SPATA17: variants seen among roughly 807,000 people sequenced by gnomAD.
SPATA17 encodes the protein spermatogenesis associated 17, also known as spermatogenesis-associated protein 17.
A neutral mutation model predicts 62.2 loss-of-function variants in SPATA17; 53 were observed. The ratio of observed to expected loss-of-function variants is 0.85; its 90% CI spans 0.68 to 1.07. SPATA17 has a LOEUF of 1.07. Ranked by LOEUF, SPATA17 falls within the 50% of genes least tolerant of loss-of-function variation. The pLI is 0.00. For synonymous variants in SPATA17, 146 were observed against 146.8 expected (o/e 0.99, Z 0.04); for missense variants, 466 against 425.5 (o/e 1.10, Z -0.84).
intron 6 of SPATA17, among the ~76,000 whole-genome samples, chr1:217,764,175 A>G (rs1673243896): frequency 6.6e-6 from 1 of 152,120 alleles, no homozygotes; most frequent in East Asian, 1.9e-4. Context: ...AATGACATAT[A>G]TCCACCATAA....
intron 8 of SPATA17, among the ~76,000 whole-genome samples, chr1:217,791,395 A>T (rs976428814): frequency 1.3e-5 from 2 of 152,218 alleles, no homozygotes; most frequent in African/African-American, 4.8e-5. Context: ...CACTGGGGAT[A>T]TAGATAATAA....
At chr1:217,738,779 C>G (rs756058439) in intron 5 of SPATA17, among the ~76,000 whole-genome samples, 9 of 152,184 alleles carry the variant, frequency 5.9e-5, no homozygotes, top group Non-Finnish European at 1.3e-4. Flanking sequence ...TGGCGAAACA[C>G]TATCTCTACT....
In SPATA17 at chr1:217,766,738, C is replaced by G. The variant is rs547196807; in HGVS notation, c.520-7596C>G. Among the ~76,000 whole-genome samples the G allele has an allele frequency of 7.8e-5, 7 of 89,406 alleles. No individual in the cohort carries two copies. The South Asian group carries it at 2.5e-3, about 33-fold the overall frequency. The allele number at this position is 89,406 out of a possible 152,430, so 58.7% of individuals were successfully genotyped here. A position where few individuals can be genotyped will look rare whatever the true frequency, so the allele number is the denominator to read the frequency against. On this transcript the variant is annotated intron_variant, in intron 6 of 10. Coordinates refer to ENST00000366933, the MANE Select transcript of SPATA17 (RefSeq NM_138796.4). ...TCGTTCTCTTTTTTTTTTTTTTTAT[C>G]TTGTCTTTTCTCAACTCTTACTTTA...
chr1:217,647,104 A>G (rs1670200026), intron 1 of SPATA17, among the ~76,000 whole-genome samples: 2 of 152,210 alleles, frequency 1.3e-5, no homozygotes, highest in South Asian at 4.1e-4. Context: ...GAGTTAATTC[A>G]CTGATATGTG....
intron 9 of SPATA17, among the ~76,000 whole-genome samples, chr1:217,847,817 T>A (rs1675562041): frequency 6.6e-6 from 1 of 152,034 alleles, no homozygotes; most frequent in African/African-American, 2.4e-5. Context: ...GGTGAGCAGA[T>A]CTCTTGGAGT....
intron 8 of SPATA17, among the ~76,000 whole-genome samples, chr1:217,784,113 AC>A (rs1346894599): frequency 2.0e-5 from 3 of 152,110 alleles, no homozygotes; most frequent in Non-Finnish European, 4.4e-5. Flanking sequence ...CTTCTTCTGA[AC>A]CATTTTGCTT....
intron 6 of SPATA17, among the ~76,000 whole-genome samples, chr1:217,742,344 G>A (rs764840766): frequency 6.6e-6 from 1 of 152,202 alleles, no homozygotes; most frequent in Non-Finnish European, 1.5e-5. Flanking sequence ...GATCTGCCAC[G>A]GTGATAACAC....
intron 6 of SPATA17, among the ~76,000 whole-genome samples, chr1:217,772,275 A>G (rs1673467554): frequency 6.6e-6 from 1 of 152,198 alleles, no homozygotes; most frequent in African/African-American, 2.4e-5. Context: ...GAACATGTTA[A>G]CATGACATTA....
Position 217,784,532 on chromosome 1 carries a change from G to A in SPATA17, c.872+2210G>A, listed in dbSNP as rs138564318. Among the ~76,000 whole-genome samples the A allele has an allele frequency of 3.3e-5, 5 of 152,128 alleles. No individual in the cohort carries two copies. The East Asian group carries it at 5.8e-4, about 18-fold the overall frequency. On this transcript the variant is annotated intron_variant, in intron 8 of 10. Coordinates refer to ENST00000366933, the MANE Select transcript of SPATA17 (RefSeq NM_138796.4). ...TCCATTAAACAGCAGTATAATCTTCGGTTAGTAATTTAGCCCACCTGAAAC... is the reference window on the plus strand; with the variant it reads ...TCCATTAAACAGCAGTATAATCTTCAGTTAGTAATTTAGCCCACCTGAAAC...
chr1:217,649,051 C>A, intron 2 of SPATA17, 80 bp downstream of exon 2: 1 of 945,146 alleles, frequency 1.1e-6, no homozygotes, highest in Non-Finnish European at 1.6e-6. Flanking sequence ...TCATGAAGTA[C>A]TCATTTCAAA....
chr1:217,642,629 T>G (rs1023015762), intron 1 of SPATA17, among the ~76,000 whole-genome samples: 1 of 152,150 alleles, frequency 6.6e-6, no homozygotes, highest in Non-Finnish European at 1.5e-5. Context: ...GGGGGCGGTT[T>G]CCTCCGTGCT....
At chr1:217,860,045 C>T (rs1675867443) in intron 9 of SPATA17, among the ~76,000 whole-genome samples, 1 of 152,022 alleles carries the variant, frequency 6.6e-6, no homozygotes, top group Admixed American at 6.6e-5. Flanking sequence ...TAGTGCTATC[C>T]ATTTTCCTCT....
chr1:217,691,187 T>C (rs1248136195), intron 5 of SPATA17, among the ~76,000 whole-genome samples: 2 of 149,334 alleles, frequency 1.3e-5, no homozygotes, highest in Non-Finnish European at 3.0e-5. Context: ...CCATTCTAAC[T>C]GGTGTGAGAT....
intron 9 of SPATA17, among the ~76,000 whole-genome samples, chr1:217,816,434 G>A (rs1038960687): frequency 2.0e-5 from 3 of 151,332 alleles, no homozygotes; most frequent in Non-Finnish European, 4.4e-5. Context: ...GGTTTACTAG[G>A]TAGATAATTA....
At chr1:217,720,510 A>T (rs1672101214) in intron 5 of SPATA17, among the ~76,000 whole-genome samples, 2 of 152,140 alleles carry the variant, frequency 1.3e-5, no homozygotes, top group African/African-American at 4.8e-5. Context: ...CTTACCAGTG[A>T]TAACTAAAGG....
intron 9 of SPATA17, among the ~76,000 whole-genome samples, chr1:217,854,818 G>A (rs1027873748): frequency 6.6e-6 from 1 of 152,186 alleles, no homozygotes; most frequent in Non-Finnish European, 1.5e-5. Flanking sequence ...GAGTAAGGAT[G>A]TGCTACTCCA....
rs1676032649 is a variant in SPATA17 at position 217,867,175 on chromosome 1, T to C, written c.*156T>C. 1 of 152,220 alleles carries C rather than the reference T, an allele frequency of 6.6e-6. No individual in the cohort carries two copies. The allele number at this position is 152,220 out of a possible 1,614,324, so 9.4% of individuals were successfully genotyped here. On this transcript the variant is annotated 3_prime_UTR_variant, in exon 11 of 11. Coordinates refer to ENST00000366933, the MANE Select transcript of SPATA17 (RefSeq NM_138796.4). Reference sequence around the variant, plus strand: ...AGTCATGAATTAATTATTGTGTGTATGTATTTGAAATCTCTTAGACATATC... The same window carrying C: ...AGTCATGAATTAATTATTGTGTGTACGTATTTGAAATCTCTTAGACATATC...
chr1:217,734,612 T>C (rs959530970), intron 5 of SPATA17, among the ~76,000 whole-genome samples: 8 of 152,222 alleles, frequency 5.3e-5, no homozygotes, highest in Non-Finnish European at 1.2e-4. Flanking sequence ...CGTTAGAATT[T>C]TATTTTTTCT....
At chr1:217,824,022 A>G (rs1431954417) in intron 9 of SPATA17, among the ~76,000 whole-genome samples, 1 of 151,928 alleles carries the variant, frequency 6.6e-6, no homozygotes, top group Non-Finnish European at 1.5e-5. Context: ...TAAGCAGCTC[A>G]TAGTTGTAGG....
Sources: gnomAD v4.1 joint callset for allele counts (sites outside exome capture counted in the v4.1 genomes callset) on GRCh38, gnomAD v4.1.1 for gene constraint, MANE v1.5 for transcripts, NCBI Gene and HGNC (gene_info 2026-07-23, HGNC 2026-07-21) for gene names.